Variants in NEMP2 observed in about 807,000 individuals in gnomAD.
NEMP2 encodes the protein UPF0571 transmembrane protein.
A neutral mutation model predicts 54.2 loss-of-function variants in NEMP2; 53 were observed. That is an observed-to-expected ratio of 0.98 (90% confidence interval 0.78 to 1.23). The LOEUF (loss-of-function observed/expected upper bound fraction) is 1.23, where lower values mean the gene tolerates loss of function less well. NEMP2 is among the 50% of genes most tolerant of loss of function. The probability of loss-of-function intolerance (pLI) is 0.00; values close to 1 mark genes in which losing one functional copy is unlikely to be tolerated. For missense variants in NEMP2, 455 were observed against 511.3 expected, an observed-to-expected ratio of 0.89 and a Z score of 1.06; for synonymous variants, 197 against 190.3, an observed-to-expected ratio of 1.04 and a Z score of -0.29.
At chr2:190,552,435 A>G in the NEMP2 span, among the ~76,000 whole-genome samples, 1 of 152,144 alleles carries the variant, frequency 6.6e-6, no homozygotes, top group African/African-American at 2.4e-5. Context: ...AATAGATTAA[A>G]AATATTCTCT....
At chr2:190,537,405 TAGTG>T (rs1691411956), upstream of NEMP2, among the ~76,000 whole-genome samples, 2 of 152,208 alleles carry the variant, frequency 1.3e-5, no homozygotes, top group African/African-American at 2.4e-5. Context: ...ATTCTTATGC[TAGTG>T]AGTGAGTTCT....
the NEMP2 span, among the ~76,000 whole-genome samples, chr2:190,495,078 T>G: frequency 6.6e-6 from 1 of 152,142 alleles, no homozygotes; most frequent in African/African-American, 2.4e-5. This position sits in a 1 kb window ranked among gnomAD's most constrained non-coding sequence, Gnocchi z 4.7. Context: ...TTGCTGATGA[T>G]AAGATTGTAT....
chr2:190,617,354 G>A, the NEMP2 span, among the ~76,000 whole-genome samples: 1 of 152,102 alleles, frequency 6.6e-6, no homozygotes, highest in Admixed American at 6.6e-5. This position sits in a 1 kb window ranked among gnomAD's most constrained non-coding sequence, Gnocchi z 5.0. Context: ...TCTTGAAAAG[G>A]TCTTATCTAT....
chr2:190,469,592 T>C, the NEMP2 span: 1 of 347,466 alleles, frequency 2.9e-6, no homozygotes, highest in Non-Finnish European at 5.0e-6. This position sits in a 1 kb window ranked among gnomAD's most constrained non-coding sequence, Gnocchi z 5.3. Flanking sequence ...TGTCCTTCAG[T>C]TTTCCCACTC....
the NEMP2 span, among the ~76,000 whole-genome samples, chr2:190,637,154 T>C: frequency 1.3e-5 from 2 of 152,236 alleles, no homozygotes; most frequent in Non-Finnish European, 2.9e-5. This position sits in a 1 kb window ranked among gnomAD's most constrained non-coding sequence, Gnocchi z 4.5. Context: ...AAATACTTTT[T>C]CACAATTGAG....
chr2:190,497,871 A>G, the NEMP2 span: 1 of 892,258 alleles, frequency 1.1e-6, no homozygotes, highest in South Asian at 1.8e-5. This position sits in a 1 kb window ranked among gnomAD's most constrained non-coding sequence, Gnocchi z 5.2. Context: ...CTCTGTGAGC[A>G]CTGAGTTAAA....
chr2:190,605,652 C>T, the NEMP2 span, among the ~76,000 whole-genome samples: 1 of 152,222 alleles, frequency 6.6e-6, no homozygotes, highest in East Asian at 1.9e-4. Context: ...GCTGGGATTA[C>T]AGGTGTAGCC....
the NEMP2 span, among the ~76,000 whole-genome samples, chr2:190,493,568 G>A: frequency 6.6e-6 from 1 of 151,948 alleles, no homozygotes; most frequent in Non-Finnish European, 1.5e-5. Flanking sequence ...CCCAACAACT[G>A]CAGAATATTC....
At chr2:190,435,345 T>C in the NEMP2 span, 1 of 152,282 alleles carries the variant, frequency 6.6e-6, no homozygotes, top group African/African-American at 2.4e-5. Flanking sequence ...ATCTGCTCTT[T>C]TTTCTTGCCA....
At chr2:190,612,869 C>G in the NEMP2 span, among the ~76,000 whole-genome samples, 1 of 151,784 alleles carries the variant, frequency 6.6e-6, no homozygotes, top group Non-Finnish European at 1.5e-5. Flanking sequence ...AATTATTTAC[C>G]CTTTAAAAAG....
chr2:190,515,785 T>G (rs1003211877), intron 6 of NEMP2, among the ~76,000 whole-genome samples: 1 of 152,220 alleles, frequency 6.6e-6, no homozygotes, highest in Non-Finnish European at 1.5e-5. Flanking sequence ...ATAAAAACAT[T>G]TATTTTGTAA....
At chr2:190,432,211 T>C in the NEMP2 span, among the ~76,000 whole-genome samples, 9 of 152,168 alleles carry the variant, frequency 5.9e-5, no homozygotes, top group African/African-American at 1.9e-4. Flanking sequence ...GCTAACCAGA[T>C]TTTCTAGAGA....
the NEMP2 span, among the ~76,000 whole-genome samples, chr2:190,438,305 C>T: frequency 2.0e-5 from 3 of 152,174 alleles, no homozygotes; most frequent in Non-Finnish European, 4.4e-5. This position sits in a 1 kb window ranked among gnomAD's most constrained non-coding sequence, Gnocchi z 5.2. Flanking sequence ...CACTTGAGGT[C>T]AGGAGTTCGA....
chr2:190,537,395 A>G (rs1691411483), upstream of NEMP2, among the ~76,000 whole-genome samples: 1 of 152,146 alleles, frequency 6.6e-6, no homozygotes, highest in Non-Finnish European at 1.5e-5. Flanking sequence ...CATGGGGGTT[A>G]TTCTTATGCT....
rs1691035498 is a variant in NEMP2 at position 190,528,730 on chromosome 2, C to A, written c.98-3352G>T. Reference sequence around the variant, plus strand: ...TTTTGTTAATGGTCTGAGGAAATAACCTTTTGGTGGGGCCTGAGTTTTGCA... The same window carrying A: ...TTTTGTTAATGGTCTGAGGAAATAAACTTTTGGTGGGGCCTGAGTTTTGCA... On this transcript the variant is annotated intron_variant, in intron 1 of 8. Transcript: ENST00000409150. The surrounding 1 kb of genome is among the most constrained non-coding windows in gnomAD (Gnocchi z 4.3). Among the ~76,000 whole-genome samples the A allele has an allele frequency of 6.6e-6, 1 of 152,138 alleles. No homozygotes were observed. Among genetic ancestry groups the A allele is most frequent in the South Asian group, 2.1e-4 (1 of 4,828 alleles).
Position 190,509,202 on chromosome 2 carries a change from G to A in NEMP2, c.1241C>T (p.Pro414Leu), listed in dbSNP as rs1690271486. Residue 414 changes from proline (P) to leucine (L), a missense_variant, in exon 9 of 9, where the codon CCG (proline) becomes CTG (leucine). By Grantham distance (98) the Pro-to-Leu change is moderately conservative (BLOSUM62 -3). Coordinates refer to ENST00000409150, the MANE Select transcript of NEMP2 (RefSeq NM_001142645.2). This position sits in a 1 kb window ranked among gnomAD's most constrained non-coding sequence, Gnocchi z 6.1. ...GAFLEEQLFNPSTA is the reference protein window; with the variant it reads ...GAFLEEQLFNLSTA The stretch of plus-strand genomic sequence containing the variant: ...GAAGGTCGCATGTCAGGCAGTACTC[G>A]GGTTAAAGAGCTGCTCTTCCAAGAA... 4.5e-6 allele frequency: 7 copies of A among 1,551,550 alleles called. No individual in the cohort carries two copies. In the South Asian group the frequency reaches 4.8e-5, roughly 11 times the overall value.
At chr2:190,589,277 A>G in the NEMP2 span, among the ~76,000 whole-genome samples, 2 of 152,128 alleles carry the variant, frequency 1.3e-5, no homozygotes, top group Non-Finnish European at 2.9e-5. This position sits in a 1 kb window ranked among gnomAD's most constrained non-coding sequence, Gnocchi z 4.3. Context: ...CTTTTGAAAA[A>G]GTGGCTATTA....
At chr2:190,534,273 G>A (rs1691274225) in intron 1 of NEMP2, 1 of 1,148,366 alleles carries the variant, frequency 8.7e-7, no homozygotes, top group East Asian at 4.2e-5. Flanking sequence ...ACCTCTCTGA[G>A]TTTCGGTTGC....
the NEMP2 span, among the ~76,000 whole-genome samples, chr2:190,647,808 G>A: frequency 7.3e-6 from 1 of 136,924 alleles, no homozygotes; most frequent in African/African-American, 2.7e-5. Context: ...TCCGCCTCCC[G>A]GGTTCAAGCT....
Sources: gnomAD v4.1 joint callset for allele counts (sites outside exome capture counted in the v4.1 genomes callset) on GRCh38, gnomAD v4.1.1 for gene constraint, Gnocchi (gnomAD v3.1) non-coding constraint, MANE v1.5 for transcripts, NCBI Gene and HGNC (gene_info 2026-07-23, HGNC 2026-07-21) for gene names.